ITGA4: variants seen among roughly 807,000 people sequenced by gnomAD.
ITGA4 encodes the protein integrin alpha-4.
In ITGA4, 63 loss-of-function variants were observed where a neutral mutation model predicts 133.6. The observed-to-expected ratio is 0.47, with a 90% CI of 0.38 to 0.58. ITGA4 has a LOEUF of 0.58. Ranked by LOEUF, ITGA4 falls within the 20% of genes least tolerant of loss-of-function variation. The pLI is 0.00. For missense variants in ITGA4, 1,076 were observed against 1,252.7 expected, an observed-to-expected ratio of 0.86 and a Z score of 2.13; for synonymous variants, 483 against 438.0, an observed-to-expected ratio of 1.10 and a Z score of -1.28.
intron 15 of ITGA4, among the ~76,000 whole-genome samples, chr2:181,501,986 G>A (rs928308504): frequency 6.6e-6 from 1 of 152,090 alleles, no homozygotes; most frequent in Non-Finnish European, 1.5e-5. Context: ...TCTGTACTCT[G>A]GGCCGCTACA....
At chr2:181,524,098 AGAAAAAAATTCAGATTATAAAAAAT>A in intron 19 of ITGA4, 48 bp from the exon 20 acceptor site, 2 of 968,812 alleles carry the variant, frequency 2.1e-6, no homozygotes, top group Non-Finnish European at 1.6e-6. Flanking sequence ...TAAACTTTTA[AGAAAAAAATTCAGATTATAAAAAAT>A]GTACTTAAGA....
At chr2:181,508,194 A>T (rs1686432674) in intron 15 of ITGA4, among the ~76,000 whole-genome samples, 1 of 152,076 alleles carries the variant, frequency 6.6e-6, no homozygotes, top group African/African-American at 2.4e-5. Context: ...GAAGACAATG[A>T]ATTTTAAAAA....
At chr2:181,492,099 T>A (rs1686059824) in intron 10 of ITGA4, among the ~76,000 whole-genome samples, 1 of 152,262 alleles carries the variant, frequency 6.6e-6, no homozygotes, top group African/African-American at 2.4e-5. Flanking sequence ...TTTCCTATTG[T>A]GATACTGCCC....
intron 25 of ITGA4, among the ~76,000 whole-genome samples, chr2:181,532,594 T>C (rs1686966452): frequency 6.6e-6 from 1 of 152,124 alleles, no homozygotes; most frequent in Admixed American, 6.5e-5. Context: ...GCACATTGAT[T>C]TTTGTATCCT....
At chr2:181,459,971 GA>G (rs1685228805) in intron 2 of ITGA4, among the ~76,000 whole-genome samples, 2 of 151,610 alleles carry the variant, frequency 1.3e-5, no homozygotes, top group East Asian at 3.8e-4. Flanking sequence ...TCAATGGAAG[GA>G]AAAAATTGTT....
chr2:181,464,827 G>C (rs1293005803), intron 2 of ITGA4, among the ~76,000 whole-genome samples: 1 of 152,018 alleles, frequency 6.6e-6, no homozygotes, highest in Non-Finnish European at 1.5e-5. Context: ...TAAAAGCAGG[G>C]ATTTTTAATT....
At chr2:181,496,050 G>A (rs1055550909) in intron 14 of ITGA4, 113 bp downstream of exon 14, 6 of 1,068,652 alleles carry the variant, frequency 5.6e-6, no homozygotes, top group Non-Finnish European at 8.2e-6. Context: ...TTTAGAGCGG[G>A]GGAGAGAAGC....
In ITGA4 at chr2:181,495,337, T is replaced by C. The variant is rs1241165982; in HGVS notation, c.1340-34T>C. ...AAAAATAATTCTCTTTGACTAATGA[T>C]GATCATTAATCTGTGTTGTTTTTTA... On this transcript the variant is annotated intron_variant, in intron 12 of 27. Transcript: ENST00000397033. This position sits in a 1 kb window ranked among gnomAD's most constrained non-coding sequence, Gnocchi z 4.3. 1 of 1,545,816 alleles carries C rather than the reference T, an allele frequency of 6.5e-7. No individual in the cohort carries two copies. The highest frequency in any genetic ancestry group is 8.9e-7 in the Non-Finnish European group (1 of 1,118,482).
chr2:181,470,394 C>CTTT (rs879551927), intron 2 of ITGA4, among the ~76,000 whole-genome samples: 6 of 151,968 alleles, frequency 3.9e-5, no homozygotes, highest in Non-Finnish European at 8.8e-5. Context: ...TATTGGACAC[C>CTTT]CCTGAGCTAC....
intron 22 of ITGA4, among the ~76,000 whole-genome samples, chr2:181,528,569 T>A (rs999809039): frequency 4.6e-5 from 7 of 152,254 alleles, no homozygotes; most frequent in African/African-American, 1.7e-4. Flanking sequence ...GATTTAGATA[T>A]TTAATGGCAT....
At position 181,528,731 on chromosome 2, in the gene ITGA4, A is replaced by AT. The variant is rs575265922; in HGVS notation, c.2431-809dup. 3.9e-3 allele frequency among the ~76,000 whole-genome samples: 587 copies of AT among 152,282 alleles called. 7 individuals carry two copies. Among genetic ancestry groups the AT allele is most frequent in the African/African-American group, 0.014 (563 of 41,554 alleles). ...CATCTATGTCACATGCATTCATAAA[A>AT]TGACTGCAGGTCTGCAAGTCATCTT... On this transcript the variant is annotated intron_variant, in intron 22 of 27. Transcript: ENST00000397033.
At chr2:181,535,386 G>T in intron 27 of ITGA4, 46 bp from the exon 28 acceptor site, 1 of 1,392,208 alleles carries the variant, frequency 7.2e-7, no homozygotes, top group South Asian at 1.3e-5. Context: ...GTAGATAAGA[G>T]AGTGTTCATA....
At position 181,522,276 on chromosome 2, in the gene ITGA4, G is replaced by A. The variant is rs1686736754; in HGVS notation, c.2008G>A (p.Ala670Thr). The A allele has an allele frequency of 6.2e-7, 1 of 1,604,700 alleles. No individual in the cohort carries two copies. The highest frequency in any genetic ancestry group is 8.5e-7 in the Non-Finnish European group (1 of 1,172,662). ...NVSLFNAGDD[A>T]YETTLHVKLP... is the part of the protein sequence containing the mutation. ...GTCCTTGTTTAATGCTGGAGATGAT[G>A]CATATGAAACGACTCTACATGTCAA... Residue 670 changes from alanine (A) to threonine (T), a missense_variant, in exon 18 of 28, where the codon GCA becomes ACA. By Grantham distance (58) the Ala-to-Thr change is moderately conservative. Coordinates refer to ENST00000397033, the MANE Select transcript of ITGA4 (RefSeq NM_000885.6).
At chr2:181,485,827 G>C (rs1218338099) in intron 9 of ITGA4, 54 bp from the exon 10 acceptor site, 2 of 1,423,688 alleles carry the variant, frequency 1.4e-6, no homozygotes, top group Non-Finnish European at 1.9e-6. Context: ...AGTAAATCGT[G>C]TAAAGTTGTC....
chr2:181,482,462 C>A (rs200100994), intron 8 of ITGA4, 40 bp downstream of exon 8: 6 of 1,612,938 alleles, frequency 3.7e-6, no homozygotes, highest in East Asian at 2.2e-5. Flanking sequence ...TGGGCTTTTG[C>A]GAGTAACCCT....
At chr2:181,496,047 CG>C (rs1686151528) in intron 14 of ITGA4, 110 bp downstream of exon 14, 2 of 1,116,536 alleles carry the variant, frequency 1.8e-6, no homozygotes, top group East Asian at 2.4e-5. Context: ...TTCTTTAGAG[CG>C]GGGGAGAGAA....
intron 10 of ITGA4, among the ~76,000 whole-genome samples, chr2:181,486,951 G>C (rs1395051921): frequency 6.6e-6 from 1 of 151,996 alleles, no homozygotes; most frequent in African/African-American, 2.4e-5. Context: ...ATGTCTTCTT[G>C]TACCTAGATA....
intron 16 of ITGA4, among the ~76,000 whole-genome samples, chr2:181,510,207 C>T (rs779527296): frequency 3.5e-4 from 54 of 152,214 alleles, no homozygotes; most frequent in Middle Eastern, 3.4e-3. Flanking sequence ...CTCACAGATT[C>T]ACTCATGTCT....
chr2:181,471,785 G>A (rs1370803371), intron 2 of ITGA4, among the ~76,000 whole-genome samples: 2 of 152,110 alleles, frequency 1.3e-5, no homozygotes, highest in African/African-American at 2.4e-5. Context: ...GGCTTCCTGG[G>A]AAAGCTCTTC....
Sources: allele counts gnomAD v4.1 joint callset (sites outside exome capture counted in the v4.1 genomes callset), GRCh38; gene constraint gnomAD v4.1.1; non-coding constraint Gnocchi (gnomAD v3.1); transcripts MANE v1.5; gene names NCBI Gene and HGNC (gene_info 2026-07-23, HGNC 2026-07-21).